Variants in KCNT2 observed in about 807,000 individuals in gnomAD.
The protein encoded by KCNT2 is potassium channel subfamily T member 2.
A neutral mutation model predicts 153.8 loss-of-function variants in KCNT2; 67 were observed. The observed-to-expected ratio is 0.44, with a 90% CI of 0.36 to 0.53. KCNT2 has a LOEUF of 0.53. KCNT2 is among the 20% of genes least tolerant of loss of function. The pLI is 0.00. For missense variants in KCNT2, 975 were observed against 1,354.8 expected, an observed-to-expected ratio of 0.72 and a Z score of 4.40; for synonymous variants, 500 against 458.8, an observed-to-expected ratio of 1.09 and a Z score of -1.15.
intron 8 of KCNT2, among the ~76,000 whole-genome samples, chr1:196,433,377 T>C (rs974780722): frequency 8.6e-5 from 13 of 152,024 alleles, no homozygotes; most frequent in Admixed American, 4.6e-4. Flanking sequence ...AAGTCAGATA[T>C]AAAAGACCAC....
intron 1 of KCNT2, among the ~76,000 whole-genome samples, chr1:196,529,585 C>G (rs1654679177): frequency 6.6e-6 from 1 of 152,044 alleles, no homozygotes; most frequent in Non-Finnish European, 1.5e-5. Flanking sequence ...GTGTTTTTAT[C>G]ATTATTTTTT....
chr1:196,537,842 C>A (rs1327677446), intron 1 of KCNT2, among the ~76,000 whole-genome samples: 1 of 152,168 alleles, frequency 6.6e-6, no homozygotes, highest in African/African-American at 2.4e-5. Context: ...TCTTATCTCT[C>A]GTGGGGGCGG....
intron 5 of KCNT2, among the ~76,000 whole-genome samples, chr1:196,476,654 A>C (rs1056159049): frequency 4.6e-5 from 7 of 152,186 alleles, no homozygotes; most frequent in African/African-American, 1.7e-4. Context: ...CCAAAAGACA[A>C]TGGAGACTTT....
intron 3 of KCNT2, among the ~76,000 whole-genome samples, chr1:196,486,621 T>G (rs1679439070): frequency 6.6e-6 from 1 of 151,746 alleles, no homozygotes; most frequent in Non-Finnish European, 1.5e-5. Flanking sequence ...ACAAAGCATT[T>G]GAAAGTAATA....
At chr1:196,468,825 T>G (rs1572558125) in intron 6 of KCNT2, among the ~76,000 whole-genome samples, 169 bp downstream of exon 6, 1 of 152,232 alleles carries the variant, frequency 6.6e-6, no homozygotes, top group South Asian at 2.1e-4. Flanking sequence ...TTCCATTTAG[T>G]TACACAACAC....
intron 8 of KCNT2, among the ~76,000 whole-genome samples, chr1:196,435,139 G>GCA (rs1207127348): frequency 6.3e-4 from 29 of 45,722 alleles, no homozygotes; most frequent in Non-Finnish European, 8.5e-4. Flanking sequence ...GTGTGTGTAT[G>GCA]TATATATATA....
rs536592600 is a variant in KCNT2, at chr1:196,393,318, A to C, written c.1294+5245T>G. ...AAAATTGGATGAGGAAGCTAAGAGA[A>C]CTGAATATTCACAGACGACATAACA... On this transcript the variant is annotated intron_variant, in intron 13 of 27. Coordinates refer to ENST00000294725, the MANE Select transcript of KCNT2 (RefSeq NM_198503.5). 3.3e-5 allele frequency among the ~76,000 whole-genome samples: 5 copies of C among 151,668 alleles called. 1 individual carries two copies. Among genetic ancestry groups the C allele is most frequent in the African/African-American group, 9.6e-5 (4 of 41,490 alleles).
At chr1:196,578,745 A>G (rs4518841) in intron 1 of KCNT2, among the ~76,000 whole-genome samples, 119,061 of 152,032 alleles carry the variant, frequency 0.78, 49,935 homozygotes, top group East Asian at 0.97. Context: ...GAGAGGGAGT[A>G]ACAAGGAAAT....
chr1:196,284,353 G>A (rs143197752), intron 23 of KCNT2, among the ~76,000 whole-genome samples: 2,707 of 136,374 alleles, frequency 0.02, 45 homozygotes, highest in Non-Finnish European at 0.03. Flanking sequence ...TAACATAAAC[G>A]TGAGGCAAAA....
At chr1:196,270,183 T>C (rs1190469008) in intron 25 of KCNT2, among the ~76,000 whole-genome samples, 1 of 152,036 alleles carries the variant, frequency 6.6e-6, no homozygotes, top group Non-Finnish European at 1.5e-5. Flanking sequence ...ATTTGATAAC[T>C]ACTTTTTTGG....
At chr1:196,359,367 A>G (rs1667434544) in intron 14 of KCNT2, among the ~76,000 whole-genome samples, 1 of 151,994 alleles carries the variant, frequency 6.6e-6, no homozygotes, top group African/African-American at 2.4e-5. Flanking sequence ...TTTTTCATCA[A>G]TAAAAGCTTA....
At chr1:196,483,819 A>G (rs1356287640) in intron 3 of KCNT2, among the ~76,000 whole-genome samples, 1 of 152,184 alleles carries the variant, frequency 6.6e-6, no homozygotes, top group African/African-American at 2.4e-5. Flanking sequence ...TAAAATAACT[A>G]TCTAATTTAC....
intron 2 of KCNT2, among the ~76,000 whole-genome samples, chr1:196,491,513 A>AT (rs2148731586): frequency 6.6e-6 from 1 of 152,116 alleles, no homozygotes; most frequent in African/African-American, 2.4e-5. Flanking sequence ...AGGCCTCTCC[A>AT]TTCCCTGTGA....
At chr1:196,600,660 C>A (rs1295263268) in intron 1 of KCNT2, among the ~76,000 whole-genome samples, 1 of 4,940 alleles carries the variant, frequency 2.0e-4, no homozygotes, top group Non-Finnish European at 0.011. Context: ...ATGGATCACA[C>A]TGAATGACAG....
intron 12 of KCNT2, among the ~76,000 whole-genome samples, chr1:196,422,437 A>C (rs1000984738): frequency 2.0e-5 from 3 of 151,864 alleles, no homozygotes; most frequent in African/African-American, 7.2e-5. Context: ...TGAAGCACTT[A>C]AAAAAATTAT....
intron 23 of KCNT2, among the ~76,000 whole-genome samples, chr1:196,283,522 G>T (rs147704174): frequency 2.3e-4 from 35 of 152,206 alleles, no homozygotes; most frequent in African/African-American, 7.9e-4. Flanking sequence ...GGGTGACAGT[G>T]CATCTCTTAT....
intron 24 of KCNT2, 151 bp from the exon 25 acceptor site, chr1:196,281,139 T>C: frequency 1.7e-6 from 1 of 584,018 alleles, no homozygotes; most frequent in South Asian, 2.3e-5. Flanking sequence ...CATGGCTCAC[T>C]GCAGACTCAA....
At chr1:196,503,102 G>C (rs1240860603) in intron 1 of KCNT2, among the ~76,000 whole-genome samples, 1 of 151,290 alleles carries the variant, frequency 6.6e-6, no homozygotes, top group East Asian at 1.9e-4. Flanking sequence ...CAGAATTTAG[G>C]CCTGTAATAA....
chr1:196,416,718 G>A (rs539087930), intron 12 of KCNT2, among the ~76,000 whole-genome samples: 1 of 151,996 alleles, frequency 6.6e-6, no homozygotes, highest in South Asian at 2.1e-4. Context: ...GATGAAAGTT[G>A]AATTAAAAAA....
Sources: gnomAD v4.1 joint callset for allele counts (sites outside exome capture counted in the v4.1 genomes callset) on GRCh38, gnomAD v4.1.1 for gene constraint, MANE v1.5 for transcripts, NCBI Gene and HGNC (gene_info 2026-07-23, HGNC 2026-07-21) for gene names.